DSCAM: variants seen among roughly 807,000 people sequenced by gnomAD.
DSCAM encodes DS cell adhesion molecule.
Under a neutral mutation model 217.7 loss-of-function variants are expected in DSCAM, and 47 were observed. The ratio of observed to expected loss-of-function variants is 0.22; its 90% CI spans 0.17 to 0.28. DSCAM has a LOEUF of 0.28. DSCAM is among the 10% of genes least tolerant of loss of function. DSCAM has a pLI of 1.00. For missense variants in DSCAM, 2,080 were observed against 2,618.3 expected (o/e 0.79, Z 4.49); for synonymous variants, 1,056 against 1,015.3 (o/e 1.04, Z -0.76).
intron 3 of DSCAM, among the ~76,000 whole-genome samples, chr21:40,556,695 G>C (rs987476771): frequency 2.6e-5 from 4 of 151,928 alleles, no homozygotes; most frequent in Non-Finnish European, 5.9e-5. Context: ...TTAAATATCA[G>C]CTCTGGAGGG....
At chr21:40,517,403 CA>C (rs1192926726) in intron 3 of DSCAM, among the ~76,000 whole-genome samples, 8 of 74,922 alleles carry the variant, frequency 1.1e-4, no homozygotes, top group African/African-American at 5.1e-4. Flanking sequence ...CACACACAAG[CA>C]ACACACACAC....
At chr21:40,187,493 T>C (rs2090908297) in intron 13 of DSCAM, among the ~76,000 whole-genome samples, 1 of 152,198 alleles carries the variant, frequency 6.6e-6, no homozygotes, top group African/African-American at 2.4e-5. Flanking sequence ...CTGGAGGATA[T>C]AAAATGTCAC....
intron 32 of DSCAM, among the ~76,000 whole-genome samples, chr21:40,028,732 G>C (rs2088451371): frequency 1.3e-5 from 2 of 152,152 alleles, no homozygotes; most frequent in African/African-American, 2.4e-5. Context: ...CGCACCCACT[G>C]TCTGGCACTC....
intron 3 of DSCAM, among the ~76,000 whole-genome samples, chr21:40,679,243 G>C (rs930836721): frequency 6.6e-6 from 1 of 152,152 alleles, no homozygotes; most frequent in African/African-American, 2.4e-5. Context: ...TCATGGAAAA[G>C]TTTCTTATTC....
intron 14 of DSCAM, among the ~76,000 whole-genome samples, chr21:40,179,836 T>C (rs1461692527): frequency 6.6e-6 from 1 of 152,244 alleles, no homozygotes; most frequent in Non-Finnish European, 1.5e-5. Context: ...AGGATGAGAA[T>C]GTCAATACGT....
chr21:40,693,103 C>G (rs369223754), intron 2 of DSCAM, 147 bp from the exon 3 acceptor site: 2 of 928,444 alleles, frequency 2.2e-6, no homozygotes, highest in Non-Finnish European at 3.1e-6. Context: ...CTACATTTCA[C>G]GTCTTTCATC....
At chr21:40,455,631 T>C (rs916097051) in intron 3 of DSCAM, among the ~76,000 whole-genome samples, 3 of 152,056 alleles carry the variant, frequency 2.0e-5, no homozygotes, top group Admixed American at 2.0e-4. Flanking sequence ...TAGCTGGGCA[T>C]GGTGGCATGC....
chr21:40,426,381 C>T (rs1283703214), intron 3 of DSCAM, among the ~76,000 whole-genome samples: 1 of 152,148 alleles, frequency 6.6e-6, no homozygotes, highest in Non-Finnish European at 1.5e-5. Flanking sequence ...AGTAATTTGG[C>T]GAGGTGGTCT....
chr21:40,641,931 C>T (rs1172757995), intron 3 of DSCAM, among the ~76,000 whole-genome samples: 2 of 151,624 alleles, frequency 1.3e-5, no homozygotes, highest in African/African-American at 2.4e-5. Flanking sequence ...GCCTGTAATC[C>T]CAGCTACTCG....
At chr21:40,278,628 A>G (rs981343206) in intron 10 of DSCAM, among the ~76,000 whole-genome samples, 5 of 152,000 alleles carry the variant, frequency 3.3e-5, no homozygotes, top group African/African-American at 1.2e-4. Flanking sequence ...GCTACTCCCA[A>G]TGCTCTGGGA....
intron 27 of DSCAM, among the ~76,000 whole-genome samples, chr21:40,074,274 T>C (rs571777634): frequency 1.3e-5 from 2 of 152,350 alleles, no homozygotes; most frequent in East Asian, 3.9e-4. Flanking sequence ...TGAAAATCCC[T>C]TGTAATACAC....
chr21:40,427,126 G>A (rs2075482048), intron 3 of DSCAM, among the ~76,000 whole-genome samples: 1 of 152,218 alleles, frequency 6.6e-6, no homozygotes, highest in African/African-American at 2.4e-5. Context: ...AGCGAGCAGG[G>A]CATACAGGAG....
intron 3 of DSCAM, among the ~76,000 whole-genome samples, chr21:40,638,829 G>T (rs1050690359): frequency 6.6e-6 from 1 of 152,116 alleles, no homozygotes; most frequent in African/African-American, 2.4e-5. Context: ...TATTTGTTGT[G>T]CTTTGATTAA....
intron 1 of DSCAM, among the ~76,000 whole-genome samples, chr21:40,711,408 A>G (rs2090778761): frequency 6.6e-6 from 1 of 152,218 alleles, no homozygotes; most frequent in African/African-American, 2.4e-5. Context: ...GACTCATCTT[A>G]TAATAATAAG....
At chr21:40,619,369 A>G (rs565625971) in intron 3 of DSCAM, among the ~76,000 whole-genome samples, 1 of 152,330 alleles carries the variant, frequency 6.6e-6, no homozygotes, top group South Asian at 2.1e-4. Flanking sequence ...TTTGAATTTA[A>G]TTACTAAGGA....
At chr21:40,821,833 G>A (rs1012327358) in intron 1 of DSCAM, among the ~76,000 whole-genome samples, 5 of 152,008 alleles carry the variant, frequency 3.3e-5, no homozygotes, top group Non-Finnish European at 7.4e-5. Context: ...GGCACATAGA[G>A]AGGAACAACA....
chr21:40,085,348 G>GA (rs2089517806), intron 23 of DSCAM, among the ~76,000 whole-genome samples: 1 of 152,048 alleles, frequency 6.6e-6, no homozygotes, highest in African/African-American at 2.4e-5. Context: ...TACACATAAA[G>GA]AAAAAAGAGA....
At chr21:40,668,044 A>G (rs80356330) in intron 3 of DSCAM, among the ~76,000 whole-genome samples, 2 of 152,152 alleles carry the variant, frequency 1.3e-5, no homozygotes. Flanking sequence ...GTCTCATTCT[A>G]TTAACTCTGC....
At position 40,133,957 on chromosome 21, in the gene DSCAM, G is replaced by T; in HGVS notation, c.3459C>A (p.Asp1153Glu). 2 of 1,613,334 alleles carry T rather than the reference G, an allele frequency of 1.2e-6. No homozygotes were observed. The highest frequency in any genetic ancestry group is 1.7e-6 in the Non-Finnish European group (2 of 1,179,664). Residue 1153 changes from aspartate to glutamate, a missense_variant, in exon 19 of 33, where the codon GAC becomes GAA. By Grantham distance (45) the Asp-to-Glu change is conservative (BLOSUM62 2). Around this residue, in one of 5 missense-constraint regions of DSCAM, gnomAD observed 1,144 missense variants for 1,421.1 expected, o/e 0.81. Transcript: ENST00000400454. ...ITTTQPSLEL[D>E]GLEKYTNYSI... Reference sequence around the variant, plus strand: ...TGTAGTTGGTGTACTTTTCCAGCCCGTCCAGCTCCAGTGAAGGCTGTGTGG... The same window carrying T: ...TGTAGTTGGTGTACTTTTCCAGCCCTTCCAGCTCCAGTGAAGGCTGTGTGG...
Sources: allele counts gnomAD v4.1 joint callset (sites outside exome capture counted in the v4.1 genomes callset), GRCh38; gene constraint gnomAD v4.1.1; regional missense constraint gnomAD v4.1.1; transcripts MANE v1.5; gene names NCBI Gene and HGNC (gene_info 2026-07-23, HGNC 2026-07-21).